The following PMM2 variants were observed in gnomAD, a reference collection of about 807,000 sequenced individuals.
PMM2 encodes the protein phosphomannomutase 2, also known as mannose-6-phosphate isomerase.
A neutral mutation model predicts 33.2 loss-of-function variants in PMM2; 35 were observed. The ratio of observed to expected loss-of-function variants is 1.06; its 90% CI spans 0.81 to 1.40. The LOEUF (loss-of-function observed/expected upper bound fraction) is 1.40, where lower values mean the gene tolerates loss of function less well. Ranked by LOEUF, PMM2 falls within the 40% of genes most tolerant of loss-of-function variation. The pLI, the probability that PMM2 is intolerant of heterozygous loss-of-function variation, is 0.00. For synonymous variants in PMM2, 153 were observed against 114.7 expected (o/e 1.33, Z -2.13); for missense variants, 386 against 306.0 (o/e 1.26, Z -1.95).
intron 3 of PMM2, among the ~76,000 whole-genome samples, chr16:8,805,967 G>A (rs775671408): frequency 3.3e-5 from 5 of 152,140 alleles, no homozygotes; most frequent in African/African-American, 1.2e-4. Flanking sequence ...AGAGAATGCC[G>A]AAGTGGAACA....
intron 1 of PMM2, among the ~76,000 whole-genome samples, chr16:8,799,835 C>T (rs756312407): frequency 6.6e-6 from 1 of 152,080 alleles, no homozygotes; most frequent in Non-Finnish European, 1.5e-5. Context: ...CGTGAGCCAC[C>T]GTGTTCTGAC....
chr16:8,804,806 T>G lies in PMM2; in HGVS notation c.218T>G (p.Leu73Trp). ...KYDYVFPENGLVAYKDGKLLC... is the reference protein window; with the variant it reads ...KYDYVFPENGWVAYKDGKLLC... ...GATTATGTGTTTCCAGAAAATGGCT[T>G]GGTAGCATACAAAGATGGGAAACTC... is the stretch of plus-strand genomic sequence containing the variant. Residue 73 changes from leucine (L) to tryptophan (W), a missense_variant, in exon 3 of 8, where the codon TTG (leucine) becomes TGG (tryptophan). Physicochemically the swap from Leu to Trp is moderately conservative, Grantham distance 61. Coordinates refer to ENST00000268261, the MANE Select transcript of PMM2 (RefSeq NM_000303.3). 1 of 1,613,450 alleles carries G rather than the reference T, an allele frequency of 6.2e-7. No homozygotes were observed. The highest frequency in any genetic ancestry group is 2.2e-5 in the East Asian group (1 of 44,854).
rs149997720 is a variant in PMM2 at position 8,821,160 on chromosome 16, C to G, written c.639+8054C>G. 2.6e-5 allele frequency among the ~76,000 whole-genome samples: 4 copies of G among 152,310 alleles called. No homozygotes were observed. In the East Asian group the frequency reaches 7.7e-4, roughly 29 times the overall value. Reference sequence around the variant, plus strand: ...CTTGTGTGGCTGGTGGCAGACTTAGCTTCTTAACATGTGAGTCCCTCACTC... The same window carrying G: ...CTTGTGTGGCTGGTGGCAGACTTAGGTTCTTAACATGTGAGTCCCTCACTC... On this transcript the variant is annotated intron_variant, in intron 7 of 7. Coordinates refer to ENST00000268261, the MANE Select transcript of PMM2 (RefSeq NM_000303.3).
At chr16:8,815,126 T>C (rs2060699924) in intron 7 of PMM2, among the ~76,000 whole-genome samples, 1 of 152,210 alleles carries the variant, frequency 6.6e-6, no homozygotes, top group Non-Finnish European at 1.5e-5. Context: ...CAGTATGTCT[T>C]CTCAGTTTAC....
At chr16:8,802,264 C>G (rs1250450117) in intron 2 of PMM2, 1 of 452,274 alleles carries the variant, frequency 2.2e-6, no homozygotes, top group African/African-American at 2.0e-5. Flanking sequence ...CTGACAGCCC[C>G]CCTCACCTCC....
chr16:8,824,411 A>G (rs2060754679), intron 7 of PMM2, among the ~76,000 whole-genome samples: 1 of 152,240 alleles, frequency 6.6e-6, no homozygotes, highest in Non-Finnish European at 1.5e-5. Context: ...AGATGCAGTC[A>G]ACAAGGAAAT....
chr16:8,847,879 G>A lies in PMM2; in HGVS notation c.*54G>A. On this transcript the variant is annotated 3_prime_UTR_variant, in exon 8 of 8. Transcript: ENST00000268261. Reference sequence around the variant, plus strand: ...CTGACAAGCCAGCATAGGGCATTCGGTGGCCAGAGCCGAGGGTCCTCCCAC... The same window carrying A: ...CTGACAAGCCAGCATAGGGCATTCGATGGCCAGAGCCGAGGGTCCTCCCAC... 12 of 1,394,036 alleles carry A rather than the reference G, an allele frequency of 8.6e-6. No individual in the cohort carries two copies. The highest frequency in any genetic ancestry group is 1.2e-5 in the Non-Finnish European group (12 of 987,770). The allele number at this position is 1,394,036 out of a possible 1,614,324, so 86.4% of individuals were successfully genotyped here. A position where few individuals can be genotyped will look rare whatever the true frequency, so the allele number is the denominator to read the frequency against.
At chr16:8,832,600 G>A (rs1041209823) in intron 7 of PMM2, 20 of 985,254 alleles carry the variant, frequency 2.0e-5, no homozygotes, top group Non-Finnish European at 2.2e-5. Flanking sequence ...CCAGGTAATG[G>A]CCTCTGTCCT....
chr16:8,829,293 G>A (rs920492327), intron 7 of PMM2: 14 of 152,344 alleles, frequency 9.2e-5, no homozygotes, highest in African/African-American at 2.4e-4. Flanking sequence ...TTGCCTGCAT[G>A]TCAGGTTTCT....
At chr16:8,803,912 G>A (rs1301317452) in intron 2 of PMM2, among the ~76,000 whole-genome samples, 4 of 151,532 alleles carry the variant, frequency 2.6e-5, no homozygotes, top group South Asian at 2.1e-4. Context: ...TTGAACTTGC[G>A]ACCTCAGGTG....
At chr16:8,832,181 C>T in intron 7 of PMM2, 2 of 985,422 alleles carry the variant, frequency 2.0e-6, no homozygotes, top group Non-Finnish European at 2.4e-6. Flanking sequence ...AAGGAGCCCA[C>T]CATGCTCTGA....
chr16:8,826,207 A>G (rs1308428402), intron 7 of PMM2, among the ~76,000 whole-genome samples: 2 of 152,188 alleles, frequency 1.3e-5, no homozygotes, highest in Non-Finnish European at 1.5e-5. Flanking sequence ...TTTTTCACAA[A>G]CCTACAATTT....
chr16:8,829,918 T>A (rs1376494815), intron 7 of PMM2, among the ~76,000 whole-genome samples: 1 of 152,224 alleles, frequency 6.6e-6, no homozygotes, highest in Admixed American at 6.5e-5. Flanking sequence ...AAGTCCCCTA[T>A]TCTCTGTACA....
intron 7 of PMM2, among the ~76,000 whole-genome samples, chr16:8,839,253 C>A (rs992977240): frequency 6.6e-6 from 1 of 151,832 alleles, no homozygotes; most frequent in Non-Finnish European, 1.5e-5. Flanking sequence ...ATGTGCCTGT[C>A]CAATTAGCAG....
chr16:8,842,932 T>G (rs2060899478), intron 7 of PMM2, among the ~76,000 whole-genome samples: 1 of 151,750 alleles, frequency 6.6e-6, no homozygotes, highest in Non-Finnish European at 1.5e-5. Context: ...CCCATATTTG[T>G]GGGTTAAGGT....
intron 7 of PMM2, among the ~76,000 whole-genome samples, chr16:8,836,211 G>A (rs1402703226): frequency 6.6e-6 from 1 of 151,960 alleles, no homozygotes; most frequent in Non-Finnish European, 1.5e-5. Flanking sequence ...ACCCTCCACT[G>A]TGAGAGTTAC....
intron 7 of PMM2, among the ~76,000 whole-genome samples, chr16:8,829,621 C>G (rs1009819912): frequency 2.0e-5 from 3 of 152,220 alleles, no homozygotes; most frequent in African/African-American, 7.2e-5. Flanking sequence ...CCACTCCACT[C>G]AAGGTGGGAA....
chr16:8,846,651 G>A (rs1428493940), intron 7 of PMM2, among the ~76,000 whole-genome samples: 1 of 152,022 alleles, frequency 6.6e-6, no homozygotes, highest in East Asian at 1.9e-4. Context: ...CTGAGGCCTC[G>A]GTTTCGTCAT....
intron 1 of PMM2, among the ~76,000 whole-genome samples, chr16:8,798,656 T>A (rs927607637): frequency 1.3e-5 from 2 of 152,186 alleles, no homozygotes; most frequent in Non-Finnish European, 2.9e-5. Flanking sequence ...CTTTGGGCCC[T>A]TGGAAACTTG....
Sources: gnomAD v4.1 joint callset for allele counts (sites outside exome capture counted in the v4.1 genomes callset) on GRCh38, gnomAD v4.1.1 for gene constraint, MANE v1.5 for transcripts, NCBI Gene and HGNC (gene_info 2026-07-23, HGNC 2026-07-21) for gene names.